Variants in AHDC1 observed in about 807,000 individuals in gnomAD.
The protein encoded by AHDC1 is transcription factor Gibbin.
In AHDC1, 7 loss-of-function variants were observed where a neutral mutation model predicts 87.9. The ratio of observed to expected loss-of-function variants is 0.08; its 90% CI spans 0.05 to 0.15. AHDC1 has a LOEUF of 0.15. Ranked by LOEUF, AHDC1 falls within the 10% of genes least tolerant of loss-of-function variation. The pLI, the probability that AHDC1 is intolerant of heterozygous loss-of-function variation, is 1.00. For missense variants in AHDC1, 1,841 were observed against 2,253.2 expected (o/e 0.82, Z 3.70); for synonymous variants, 1,051 against 1,006.8 (o/e 1.04, Z -0.83).
At chr1:27,591,287 G>A (rs1373191749) in intron 3 of AHDC1, among the ~76,000 whole-genome samples, 19 of 152,204 alleles carry the variant, frequency 1.2e-4, no homozygotes, top group Admixed American at 1.2e-3. Context: ...CCAGGAGGAG[G>A]TAGCCTCCCC....
chr1:27,535,702 A>T (rs1430789676), intron 8 of AHDC1, among the ~76,000 whole-genome samples: 1 of 152,104 alleles, frequency 6.6e-6, no homozygotes. Flanking sequence ...GTTTGGCTTA[A>T]CCCTGCCTTC....
chr1:27,554,161 T>G (rs2019716981), intron 5 of AHDC1, among the ~76,000 whole-genome samples: 1 of 152,236 alleles, frequency 6.6e-6, no homozygotes, highest in Admixed American at 6.5e-5. Context: ...CTTGAGGCTC[T>G]TTCTTCTTCT....
intron 3 of AHDC1, among the ~76,000 whole-genome samples, chr1:27,577,180 GAC>G (rs769241733): frequency 1.3e-5 from 2 of 152,184 alleles, no homozygotes; most frequent in Non-Finnish European, 2.9e-5. Flanking sequence ...GGGATGGGAG[GAC>G]ACAGTCATCC....
At chr1:27,589,266 C>G (rs1456424577) in intron 3 of AHDC1, among the ~76,000 whole-genome samples, 2 of 152,170 alleles carry the variant, frequency 1.3e-5, no homozygotes, top group African/African-American at 2.4e-5. Flanking sequence ...CACAGTAAAA[C>G]CTCTGGGCAT....
intron 3 of AHDC1, among the ~76,000 whole-genome samples, chr1:27,586,037 T>A (rs1323830263): frequency 2.6e-5 from 4 of 152,214 alleles, no homozygotes; most frequent in Non-Finnish European, 5.9e-5. Flanking sequence ...TGGATGGGCA[T>A]GCTGTCTGGG....
intron 5 of AHDC1, chr1:27,553,547 GGACATTTTCTGTTGCCAAA>G (rs2019671191): frequency 6.6e-6 from 1 of 152,036 alleles, no homozygotes; most frequent in African/African-American, 2.4e-5. Context: ...CATAGTTTGG[GGACATTTTCTGTTGCCAAA>G]CACTGGGCCA....
chr1:27,571,216 TGTCCCATCTCATCTCC>T (rs974665726), intron 3 of AHDC1, among the ~76,000 whole-genome samples: 1 of 152,092 alleles, frequency 6.6e-6, no homozygotes, highest in African/African-American at 2.4e-5. Context: ...CCACCCCAAA[TGTCCCATCTCATCTCC>T]CATGCCATTT....
chr1:27,586,965 C>T (rs2089077534), intron 3 of AHDC1, among the ~76,000 whole-genome samples: 1 of 152,150 alleles, frequency 6.6e-6, no homozygotes, highest in Non-Finnish European at 1.5e-5. Flanking sequence ...GTGCTGAGGC[C>T]CTGGCCCCTC....
chr1:27,575,825 C>A (rs1338484350), intron 3 of AHDC1, among the ~76,000 whole-genome samples: 1 of 149,096 alleles, frequency 6.7e-6, no homozygotes, highest in East Asian at 2.0e-4. Flanking sequence ...GCGGCCCGGC[C>A]TCGGTGTTTT....
chr1:27,600,536 A>G (rs2089502937), intron 3 of AHDC1, among the ~76,000 whole-genome samples: 1 of 151,932 alleles, frequency 6.6e-6, no homozygotes. Context: ...AATGAGGGAG[A>G]TCAGGTTTGC....
chr1:27,542,324 T>C (rs964809198), intron 8 of AHDC1, among the ~76,000 whole-genome samples: 2 of 152,172 alleles, frequency 1.3e-5, no homozygotes, highest in African/African-American at 4.8e-5. Flanking sequence ...CGCAAAGAAC[T>C]AGGTGCTATC....
chr1:27,540,613 G>A lies in AHDC1; in HGVS notation c.*44-5697C>T, dbSNP rs150170567. On this transcript the variant is annotated intron_variant, in intron 8 of 8. Coordinates refer to ENST00000673934, the MANE Select transcript of AHDC1 (RefSeq NM_001371928.1). ...TGGAATGCTTCTTGGAGGAAGTGAT[G>A]TCTGAGTGAAAGATAGGAACTGACA... 6.7e-3 allele frequency among the ~76,000 whole-genome samples: 1,012 copies of A among 152,178 alleles called. 8 individuals carry two copies. Among genetic ancestry groups the A allele is most frequent in the African/African-American group, 0.023 (957 of 41,538 alleles).
intron 3 of AHDC1, among the ~76,000 whole-genome samples, chr1:27,591,021 C>T (rs550140113): frequency 6.6e-6 from 1 of 152,338 alleles, no homozygotes; most frequent in Admixed American, 6.5e-5. Context: ...CAACCCCCAC[C>T]TCCCAGCCCC....
intron 3 of AHDC1, among the ~76,000 whole-genome samples, chr1:27,575,893 G>GA (rs2088721146): frequency 6.6e-6 from 1 of 151,030 alleles, no homozygotes; most frequent in Non-Finnish European, 1.5e-5. Flanking sequence ...CGCTGAATGG[G>GA]AGGGGGGGCG....
rs754239206 is a variant in AHDC1, at chr1:27,549,522, C to T, written c.2594G>A (p.Arg865Gln). The T allele has an allele frequency of 1.8e-5, 29 of 1,613,166 alleles. No homozygotes were observed. Among genetic ancestry groups the T allele is most frequent in the Admixed American group, 3.3e-5 (2 of 60,010 alleles). Residue 865 changes from arginine to glutamine, a missense_variant, in exon 8 of 9, where the codon CGG becomes CAG. Transcript: ENST00000673934. ...CCCTGCATAGGTGCCCGATGCCTTC[C>T]GGGACTCTGGGCGAGAGGCTGAGAG... ...FALSASRPES[R>Q]KASGTYAGPP...
At chr1:27,576,438 A>G (rs541778929) in intron 3 of AHDC1, among the ~76,000 whole-genome samples, 2 of 152,348 alleles carry the variant, frequency 1.3e-5, no homozygotes, top group Admixed American at 1.3e-4. Context: ...GTCACTGCTA[A>G]CACAGGGCAC....
At chr1:27,569,098 A>C (rs2020457806) in intron 3 of AHDC1, among the ~76,000 whole-genome samples, 1 of 125,072 alleles carries the variant, frequency 8.0e-6, no homozygotes, top group Non-Finnish European at 1.6e-5. Flanking sequence ...AATCATCTGG[A>C]TACTACCCCC....
chr1:27,592,684 T>C (rs528593869), intron 3 of AHDC1, among the ~76,000 whole-genome samples: 187 of 148,804 alleles, frequency 1.3e-3, no homozygotes, highest in African/African-American at 4.5e-3. Flanking sequence ...TTGACCACCC[T>C]TGCACCCCTC....
intron 3 of AHDC1, among the ~76,000 whole-genome samples, chr1:27,591,295 C>T (rs539100306): frequency 1.3e-5 from 2 of 152,294 alleles, no homozygotes; most frequent in East Asian, 3.9e-4. Flanking sequence ...AGGTAGCCTC[C>T]CCGCTCTGGC....
Sources: allele counts gnomAD v4.1 joint callset (sites outside exome capture counted in the v4.1 genomes callset), GRCh38; gene constraint gnomAD v4.1.1; transcripts MANE v1.5; gene names NCBI Gene and HGNC (gene_info 2026-07-23, HGNC 2026-07-21).